Variants in FOXP4 observed in about 807,000 individuals in gnomAD.
FOXP4 encodes forkhead box P4, also known as forkhead box protein P4.
A neutral mutation model predicts 82.6 loss-of-function variants in FOXP4; 25 were observed. That is an observed-to-expected ratio of 0.30 (90% confidence interval 0.22 to 0.42). The LOEUF is 0.42. Ranked by LOEUF, FOXP4 falls within the 10% of genes least tolerant of loss-of-function variation. The pLI, the probability that FOXP4 is intolerant of heterozygous loss-of-function variation, is 1.00. For synonymous variants in FOXP4, 415 were observed against 388.2 expected (o/e 1.07, Z -0.81); for missense variants, 785 against 900.9 (o/e 0.87, Z 1.65).
At chr6:41,588,589 G>A in intron 8 of FOXP4, 55 bp from the exon 9 acceptor site, 1 of 1,544,864 alleles carries the variant, frequency 6.5e-7, no homozygotes, top group Non-Finnish European at 9.0e-7. Context: ...ATGGGAGGAT[G>A]GTGGCAGCAG....
At chr6:41,555,033 G>A (rs976213016) in intron 1 of FOXP4, among the ~76,000 whole-genome samples, 1 of 152,108 alleles carries the variant, frequency 6.6e-6, no homozygotes, top group Non-Finnish European at 1.5e-5. Flanking sequence ...GGGAGGATCA[G>A]TTGAGCTCAG....
chr6:41,587,541 C>T (rs770352084), intron 7 of FOXP4, 29 bp downstream of exon 7: 2 of 1,505,718 alleles, frequency 1.3e-6, no homozygotes, highest in Non-Finnish European at 1.8e-6. Flanking sequence ...GGAGGGGCAT[C>T]AAAGGCCTGC....
chr6:41,580,490 G>A (rs79628825), intron 3 of FOXP4, among the ~76,000 whole-genome samples: 2,736 of 152,174 alleles, frequency 0.018, 80 homozygotes, highest in African/African-American at 0.063. Flanking sequence ...TGGTTCTCAG[G>A]GTCTCAGGGA....
chr6:41,570,112 A>ACACACG (rs1765112560), intron 2 of FOXP4: 1 of 348,770 alleles, frequency 2.9e-6, no homozygotes, highest in South Asian at 2.3e-5. Flanking sequence ...ACACACACAC[A>ACACACG]CACACGCAGT....
intron 3 of FOXP4, among the ~76,000 whole-genome samples, chr6:41,583,480 C>CTT (rs1284007776): frequency 6.6e-6 from 1 of 152,242 alleles, no homozygotes; most frequent in African/African-American, 2.4e-5. Context: ...GCACTCCTCT[C>CTT]TGACTGGGCT....
chr6:41,589,492 G>T (rs1561801095), intron 9 of FOXP4, among the ~76,000 whole-genome samples: 1 of 152,218 alleles, frequency 6.6e-6, no homozygotes, highest in South Asian at 2.1e-4. Context: ...ACATGTAGAG[G>T]CAGGGATAAG....
chr6:41,586,986 C>T (rs778595052), intron 5 of FOXP4, 23 bp from the exon 6 acceptor site: 17 of 1,557,222 alleles, frequency 1.1e-5, no homozygotes, highest in South Asian at 2.4e-5. Context: ...CCTCTCTGCC[C>T]GCCCCCTCGG....
At chr6:41,573,371 AAAGCTACAGC>A in intron 2 of FOXP4, among the ~76,000 whole-genome samples, 1 of 151,988 alleles carries the variant, frequency 6.6e-6, no homozygotes, top group South Asian at 2.1e-4. Flanking sequence ...TGTTGCCCTC[AAAGCTACAGC>A]TTCATTCTCC....
Position 41,577,962 on chromosome 6 carries a change from GCTGACTCAGCC to G in FOXP4, c.205-22_205-12del. The stretch of plus-strand genomic sequence containing the variant: ...ATCCCACCCAGCCTCCCAGGCCATT[GCTGACTCAGCC>G]CCTGTCTTGCAGGCTCTCCAAGTGG... On this transcript the variant is annotated splice_polypyrimidine_tract_variant and intron_variant, in intron 2 of 16. Transcript: ENST00000307972. The G allele has an allele frequency of 6.3e-7, 1 of 1,596,918 alleles. No individual in the cohort carries two copies. The highest frequency in any genetic ancestry group is 8.5e-7 in the Non-Finnish European group (1 of 1,169,854).
chr6:41,580,470 C>G (rs1016911634), intron 3 of FOXP4, among the ~76,000 whole-genome samples: 1 of 152,200 alleles, frequency 6.6e-6, no homozygotes, highest in Non-Finnish European at 1.5e-5. Flanking sequence ...GTGTAGAAGC[C>G]TAGGCCAGAT....
At chr6:41,577,944 C>G in intron 2 of FOXP4, 42 bp from the exon 3 acceptor site, 2 of 1,499,880 alleles carry the variant, frequency 1.3e-6, no homozygotes, top group South Asian at 2.3e-5. Flanking sequence ...TGGATCCCAC[C>G]CAGCCTCCCA....
At chr6:41,578,828 C>G (rs1041357774) in intron 3 of FOXP4, among the ~76,000 whole-genome samples, 5 of 152,144 alleles carry the variant, frequency 3.3e-5, no homozygotes, top group Non-Finnish European at 5.9e-5. Context: ...CTCCCCTCCC[C>G]CTCTGCCCAG....
chr6:41,565,678 G>T (rs1039958479), intron 1 of FOXP4, 67 bp from the exon 2 acceptor site: 3 of 1,426,874 alleles, frequency 2.1e-6, no homozygotes, highest in Middle Eastern at 1.8e-4. Flanking sequence ...GTTTTTGGGG[G>T]TCAGCAGTCA....
rs1767203491 is a variant in FOXP4, at chr6:41,601,257, G to A, written c.*2321G>A. The A allele has an allele frequency of 1.3e-5, 2 of 152,238 alleles. No individual in the cohort carries two copies. Among genetic ancestry groups the A allele is most frequent in the Non-Finnish European group, 2.9e-5 (2 of 68,136 alleles). The allele number at this position is 152,238 out of a possible 1,614,324, so 9.4% of individuals were successfully genotyped here. On this transcript the variant is annotated 3_prime_UTR_variant, in exon 17 of 17. Coordinates refer to ENST00000307972, the MANE Select transcript of FOXP4 (RefSeq NM_001012426.2). ...GGGATCATTCAACCTATACAAAGGG[G>A]ACCCTGGATAGGCTGCAAGGAAAGA...
intron 16 of FOXP4, 84 bp downstream of exon 16, chr6:41,598,034 T>A (rs1386570959): frequency 6.6e-6 from 7 of 1,058,276 alleles, no homozygotes; most frequent in African/African-American, 2.7e-5. Context: ...CTGGGTGGGG[T>A]TCCCCATCCC....
At chr6:41,547,744 C>T (rs2127295086) in intron 1 of FOXP4, among the ~76,000 whole-genome samples, 1 of 152,120 alleles carries the variant, frequency 6.6e-6, no homozygotes, top group East Asian at 1.9e-4. Context: ...GCCCGGAGGC[C>T]ACCAGGGAAG....
At chr6:41,547,184 CCGGGGCGGGGAG>C (rs1448834008) in intron 1 of FOXP4, among the ~76,000 whole-genome samples, 1 of 151,876 alleles carries the variant, frequency 6.6e-6, no homozygotes, top group Non-Finnish European at 1.5e-5. Context: ...CAGCCGGAGG[CCGGGGCGGGGAG>C]GGGGGCGGCC....
At chr6:41,566,116 AC>A in intron 2 of FOXP4, 152 bp downstream of exon 2, 2 of 806,868 alleles carry the variant, frequency 2.5e-6, no homozygotes, top group Admixed American at 3.0e-5. Flanking sequence ...CTCCCTGTCC[AC>A]CCACCCATTC....
chr6:41,587,907 A>AC lies in FOXP4; in HGVS notation c.977+15dup, dbSNP rs757458351. The AC allele has an allele frequency of 6.7e-6, 10 of 1,484,700 alleles. No individual in the cohort carries two copies. The highest frequency in any genetic ancestry group is 1.2e-5 in the South Asian group (1 of 82,384). The allele number at this position is 1,484,700 out of a possible 1,614,324, so 92.0% of individuals were successfully genotyped here. A position where few individuals can be genotyped will look rare whatever the true frequency, so the allele number is the denominator to read the frequency against. ...TGGGCCAGTTTATCAAGTAGGTGTCACCCCCAGCCCCTCCCCCAGCAGCCT... is the reference window on the plus strand; with the variant it reads ...TGGGCCAGTTTATCAAGTAGGTGTCACCCCCCAGCCCCTCCCCCAGCAGCCT... On this transcript the variant is annotated intron_variant, in intron 8 of 16. Coordinates refer to ENST00000307972, the MANE Select transcript of FOXP4 (RefSeq NM_001012426.2).
Sources: gnomAD v4.1 joint callset for allele counts (sites outside exome capture counted in the v4.1 genomes callset) on GRCh38, gnomAD v4.1.1 for gene constraint, MANE v1.5 for transcripts, NCBI Gene and HGNC (gene_info 2026-07-23, HGNC 2026-07-21) for gene names.